Variants in DCDC1 observed in about 807,000 individuals in gnomAD.
DCDC1 encodes the protein doublecortin domain containing 1.
A neutral mutation model predicts 178.3 loss-of-function variants in DCDC1; 200 were observed. The ratio of observed to expected loss-of-function variants is 1.12; its 90% CI spans 1.00 to 1.26. The LOEUF is 1.26. Ranked by LOEUF, DCDC1 falls within the 50% of genes most tolerant of loss-of-function variation. The probability of loss-of-function intolerance (pLI) is 0.00; values close to 1 mark genes in which losing one functional copy is unlikely to be tolerated. For missense variants in DCDC1, 1,983 were observed against 1,749.2 expected (o/e 1.13, Z -2.38); for synonymous variants, 690 against 604.8 (o/e 1.14, Z -2.07).
intron 3 of DCDC1, among the ~76,000 whole-genome samples, chr11:31,314,856 T>C (rs1394303972): frequency 6.6e-6 from 1 of 152,224 alleles, no homozygotes; most frequent in African/African-American, 2.4e-5. Context: ...TCATTATATT[T>C]ACAGGTCCTA....
At chr11:31,183,039 C>T (rs986787549) in intron 9 of DCDC1, among the ~76,000 whole-genome samples, 1 of 152,100 alleles carries the variant, frequency 6.6e-6, no homozygotes, top group African/African-American at 2.4e-5. Context: ...ATCAATGCAA[C>T]AAGAAGAGTT....
At chr11:31,363,175 A>C (rs1354178921) in intron 1 of DCDC1, among the ~76,000 whole-genome samples, 1 of 152,124 alleles carries the variant, frequency 6.6e-6, no homozygotes, top group African/African-American at 2.4e-5. Context: ...GAAATATTTG[A>C]AAATATTAAC....
chr11:31,079,977 C>A (rs748976065), intron 17 of DCDC1, among the ~76,000 whole-genome samples: 1 of 152,086 alleles, frequency 6.6e-6, no homozygotes, highest in Non-Finnish European at 1.5e-5. Context: ...AATAAAATAT[C>A]TTTCAGGGTA....
At chr11:30,907,148 T>C (rs1441667675) in intron 29 of DCDC1, among the ~76,000 whole-genome samples, 7 of 152,200 alleles carry the variant, frequency 4.6e-5, no homozygotes, top group Non-Finnish European at 1.0e-4. Flanking sequence ...GACTGATAAC[T>C]AAAACATTTT....
intron 1 of DCDC1, among the ~76,000 whole-genome samples, chr11:31,368,211 A>G (rs1952064333): frequency 1.3e-5 from 2 of 152,174 alleles, no homozygotes; most frequent in Non-Finnish European, 2.9e-5. Context: ...ATTGCTGGGG[A>G]AAAAAACTAT....
chr11:31,020,538 T>G (rs1952798750), intron 20 of DCDC1, among the ~76,000 whole-genome samples: 1 of 152,238 alleles, frequency 6.6e-6, no homozygotes, highest in African/African-American at 2.4e-5. Context: ...CACTTCTCTT[T>G]CCTCATTTTC....
chr11:31,145,179 A>AT (rs973825043), intron 9 of DCDC1, among the ~76,000 whole-genome samples: 4 of 152,018 alleles, frequency 2.6e-5, no homozygotes, highest in East Asian at 3.9e-4. Context: ...GGAAATTCAG[A>AT]TTTTTTTTGG....
In DCDC1 at chr11:31,108,636, T is replaced by C. The variant is rs548211572; in HGVS notation, c.1587+1624A>G. ...AGGGATGCGAGGTAGACATGTGATG[T>C]GAGCATCTGACCACTTAACCAAATT... On this transcript the variant is annotated intron_variant, in intron 12 of 38. Coordinates refer to ENST00000684477, the MANE Select transcript of DCDC1 (RefSeq NM_001387274.1). Among the ~76,000 whole-genome samples the C allele has an allele frequency of 6.6e-5, 10 of 152,340 alleles. No individual in the cohort carries two copies. In the East Asian group the frequency reaches 1.4e-3, roughly 21 times the overall value.
chr11:31,369,620 G>C (rs1197734328), intron 1 of DCDC1, 77 bp downstream of exon 1: 1 of 152,772 alleles, frequency 6.5e-6, no homozygotes, highest in East Asian at 1.9e-4. Flanking sequence ...GAGGAGAGAA[G>C]CGACAGTCGC....
intron 11 of DCDC1, among the ~76,000 whole-genome samples, chr11:31,119,946 T>C (rs1257856842): frequency 1.3e-5 from 2 of 152,198 alleles, no homozygotes; most frequent in Non-Finnish European, 2.9e-5. Flanking sequence ...ATGAAAATAA[T>C]CGTGGCCTTG....
intron 9 of DCDC1, among the ~76,000 whole-genome samples, chr11:31,140,955 G>A (rs1963750278): frequency 6.6e-6 from 1 of 152,108 alleles, no homozygotes; most frequent in African/African-American, 2.4e-5. Context: ...GTAGCCCCTT[G>A]TGACCATAAT....
intron 9 of DCDC1, among the ~76,000 whole-genome samples, chr11:31,182,898 G>A (rs2136296206): frequency 6.6e-6 from 1 of 151,330 alleles, no homozygotes; most frequent in South Asian, 2.1e-4. Context: ...ATAAAGGGAT[G>A]GAGGAATACT....
intron 20 of DCDC1, among the ~76,000 whole-genome samples, chr11:30,966,212 C>T: frequency 3.1e-5 from 3 of 97,810 alleles, no homozygotes; most frequent in Non-Finnish European, 5.9e-5. Flanking sequence ...GTTTACAGTC[C>T]CACCAACAGT....
At chr11:31,231,715 AT>A (rs1975797548) in intron 9 of DCDC1, among the ~76,000 whole-genome samples, 1 of 152,034 alleles carries the variant, frequency 6.6e-6, no homozygotes, top group Admixed American at 6.6e-5. Flanking sequence ...ACAAAAAAAA[AT>A]GGCAGAAAGA....
intron 38 of DCDC1, among the ~76,000 whole-genome samples, chr11:30,868,321 G>A (rs1941197847): frequency 6.9e-6 from 1 of 144,286 alleles, no homozygotes; most frequent in Non-Finnish European, 1.5e-5. Context: ...TGTGATCTCG[G>A]CTCACTGCAG....
intron 9 of DCDC1, among the ~76,000 whole-genome samples, chr11:31,235,594 T>A (rs1163811348): frequency 2.0e-5 from 3 of 151,984 alleles, no homozygotes; most frequent in Non-Finnish European, 4.4e-5. Context: ...AATGAAACAA[T>A]TTAAATAATT....
At chr11:31,197,486 A>G (rs1392884370) in intron 9 of DCDC1, among the ~76,000 whole-genome samples, 1 of 152,140 alleles carries the variant, frequency 6.6e-6, no homozygotes, top group African/African-American at 2.4e-5. Flanking sequence ...AAAGAACCAC[A>G]TAAGGTAGGT....
At chr11:31,354,303 A>C (rs1951222582) in intron 1 of DCDC1, among the ~76,000 whole-genome samples, 1 of 152,196 alleles carries the variant, frequency 6.6e-6, no homozygotes, top group Non-Finnish European at 1.5e-5. Context: ...ACAAACCAAA[A>C]AAAATTATGA....
At chr11:31,245,564 A>C (rs1943498733) in intron 8 of DCDC1, among the ~76,000 whole-genome samples, 2 of 151,754 alleles carry the variant, frequency 1.3e-5, no homozygotes, top group Non-Finnish European at 2.9e-5. Context: ...GATTATGAAG[A>C]CTAAGGAGGA....
Sources: allele counts gnomAD v4.1 joint callset (sites outside exome capture counted in the v4.1 genomes callset), GRCh38; gene constraint gnomAD v4.1.1; transcripts MANE v1.5; gene names NCBI Gene and HGNC (gene_info 2026-07-23, HGNC 2026-07-21).